NHS: variants seen among roughly 807,000 people sequenced by gnomAD.
NHS encodes NHS actin remodeling regulator, also known as actin remodeling regulator NHS.
NHS carries 5 observed loss-of-function variants against 72.5 expected under a neutral mutation model. The observed-to-expected ratio is 0.07, with a 90% CI of 0.04 to 0.14. The LOEUF is 0.14. NHS is among the 10% of genes least tolerant of loss of function. NHS has a pLI of 1.00. For synonymous variants in NHS, 464 were observed against 547.7 expected, an observed-to-expected ratio of 0.85 and a Z score of 2.13; for missense variants, 1,072 against 1,355.7, an observed-to-expected ratio of 0.79 and a Z score of 3.29.
chrX:17,480,753 T>C (rs1004018255), intron 1 of NHS, among the ~76,000 whole-genome samples: 4 of 112,313 alleles, frequency 3.6e-5, no homozygotes, highest in Non-Finnish European at 7.5e-5. Context: ...AACTTTTCTA[T>C]TGAAGTGCTC....
intron 1 of NHS, among the ~76,000 whole-genome samples, chrX:17,470,382 T>G (rs1467886595): frequency 3.6e-5 from 4 of 111,531 alleles, no homozygotes; most frequent in Non-Finnish European, 1.9e-5. Flanking sequence ...ACTCTTTGGG[T>G]TTTTGTTTCT....
At chrX:17,523,772 A>C (rs1330696209) in intron 1 of NHS, among the ~76,000 whole-genome samples, 2 of 112,127 alleles carry the variant, frequency 1.8e-5, no homozygotes, top group African/African-American at 6.5e-5. Flanking sequence ...AGTGCCGGCA[A>C]AAGAAATAAG....
At chrX:17,641,753 G>A (rs1347630137) in intron 1 of NHS, among the ~76,000 whole-genome samples, 1 of 103,494 alleles carries the variant, frequency 9.7e-6, no homozygotes, top group Non-Finnish European at 1.9e-5. Flanking sequence ...ATTCCCAAGT[G>A]TGTCTATTTA....
At chrX:17,574,333 C>T (rs756256387) in intron 1 of NHS, among the ~76,000 whole-genome samples, 1 of 112,394 alleles carries the variant, frequency 8.9e-6, no homozygotes, top group East Asian at 2.8e-4. Flanking sequence ...GCGGTGGGCT[C>T]TGCCCAGTTC....
intron 1 of NHS, among the ~76,000 whole-genome samples, chrX:17,470,301 C>T (rs939997742): frequency 2.7e-5 from 3 of 111,022 alleles, no homozygotes; most frequent in Non-Finnish European, 5.7e-5. Flanking sequence ...TACTCCCACG[C>T]ACTGCCCGTT....
chrX:17,388,362 G>T (rs1423561636), intron 1 of NHS, among the ~76,000 whole-genome samples: 2 of 111,765 alleles, frequency 1.8e-5, no homozygotes, highest in Non-Finnish European at 3.8e-5. Flanking sequence ...AGGTGAAGGT[G>T]ATCCAGAGAT....
chrX:17,625,908 G>C (rs1377649224), intron 1 of NHS, among the ~76,000 whole-genome samples: 3 of 111,849 alleles, frequency 2.7e-5, no homozygotes, highest in Non-Finnish European at 5.6e-5. Flanking sequence ...TCTGAATTCA[G>C]ATGGTAAATT....
At chrX:17,420,949 G>A (rs780256838) in intron 1 of NHS, among the ~76,000 whole-genome samples, 6 of 110,923 alleles carry the variant, frequency 5.4e-5, no homozygotes, top group Admixed American at 1.9e-4. Flanking sequence ...GTAATGGTAT[G>A]CTTTTAAAAT....
chrX:17,694,812 C>T (rs1209134875), intron 3 of NHS, among the ~76,000 whole-genome samples: 2 of 111,763 alleles, frequency 1.8e-5, no homozygotes, highest in Non-Finnish European at 3.8e-5. Context: ...CCTGAAGTAT[C>T]TATAATATGG....
At chrX:17,419,242 TC>T (rs777060515) in intron 1 of NHS, among the ~76,000 whole-genome samples, 22 of 112,650 alleles carry the variant, frequency 2.0e-4, no homozygotes, top group African/African-American at 7.1e-4. Context: ...CGGCCTGCCG[TC>T]AGCACCAGGA....
chrX:17,615,588 C>T (rs998611762), intron 1 of NHS, among the ~76,000 whole-genome samples: 3 of 110,143 alleles, frequency 2.7e-5, no homozygotes, highest in African/African-American at 9.9e-5. Flanking sequence ...GCCATGGTCT[C>T]CATGAGCCCA....
chrX:17,529,414 C>T (rs1035200195), intron 1 of NHS, among the ~76,000 whole-genome samples: 2 of 111,515 alleles, frequency 1.8e-5, no homozygotes, highest in African/African-American at 3.3e-5. Flanking sequence ...AAGAGAAATG[C>T]GAAGGGGTTG....
intron 1 of NHS, chrX:17,635,238 G>T (rs2065839642): frequency 1.1e-6 from 1 of 935,299 alleles, no homozygotes; most frequent in Non-Finnish European, 1.3e-6. Flanking sequence ...GATGAAAAAG[G>T]AAAGTGCTAA....
chrX:17,691,840 G>A (rs2066197561), intron 2 of NHS, among the ~76,000 whole-genome samples: 1 of 112,228 alleles, frequency 8.9e-6, no homozygotes, highest in Admixed American at 9.4e-5. Flanking sequence ...CTCCCAACAT[G>A]AGTTATTTCC....
intron 1 of NHS, among the ~76,000 whole-genome samples, chrX:17,605,115 G>T (rs1259963235): frequency 8.9e-6 from 1 of 112,186 alleles, no homozygotes; most frequent in Admixed American, 9.4e-5. Context: ...TGCAGGTCCT[G>T]ACAAATCAGT....
chrX:17,441,082 C>A (rs1420317309), intron 1 of NHS, among the ~76,000 whole-genome samples: 1 of 111,676 alleles, frequency 9.0e-6, no homozygotes, highest in Admixed American at 9.5e-5. Context: ...TGACTTATAC[C>A]CTATTTTCCT....
chrX:17,539,404 C>G (rs1479444518), intron 1 of NHS, among the ~76,000 whole-genome samples: 3 of 110,053 alleles, frequency 2.7e-5, no homozygotes, highest in Non-Finnish European at 5.7e-5. Flanking sequence ...ATCTGCTTCT[C>G]TGCTTGGCCT....
chrX:17,523,046 T>C lies in NHS; in HGVS notation c.565+146724T>C, dbSNP rs566678154. On this transcript the variant is annotated intron_variant, in intron 1 of 8. Coordinates refer to ENST00000676302, the MANE Select transcript of NHS (RefSeq NM_001291867.2). ...AAAAAAATGGATAAGGAAGACTCTT[T>C]GAAGAAAAACTCACATTGGTGACTG... Among the ~76,000 whole-genome samples, 7 of 112,372 alleles carry C rather than the reference T, an allele frequency of 6.2e-5. No individual in the cohort carries two copies. In the South Asian group the frequency reaches 2.2e-3, roughly 36 times the overall value.
At chrX:17,729,076 G>C (rs1038480548) in intron 8 of NHS, among the ~76,000 whole-genome samples, 1 of 111,630 alleles carries the variant, frequency 9.0e-6, no homozygotes, top group African/African-American at 3.3e-5. Flanking sequence ...AACAATCTGT[G>C]GTTAAGTGAC....
Sources: allele counts gnomAD v4.1 joint callset (sites outside exome capture counted in the v4.1 genomes callset), GRCh38; gene constraint gnomAD v4.1.1; transcripts MANE v1.5; gene names NCBI Gene and HGNC (gene_info 2026-07-23, HGNC 2026-07-21).